NDUFAF4: variants seen among roughly 807,000 people sequenced by gnomAD.
NDUFAF4 encodes the protein NADH:ubiquinone oxidoreductase complex assembly factor 4, also known as NADH dehydrogenase [ubiquinone] 1 alpha subcomplex assembly factor 4.
NDUFAF4 carries 10 observed loss-of-function variants against 15.6 expected under a neutral mutation model. That is an observed-to-expected ratio of 0.64 (90% confidence interval 0.40 to 1.09). The LOEUF is 1.09. Among genes scored for constraint, NDUFAF4 ranks in the 50% least tolerant of loss-of-function variants. The pLI, the probability that NDUFAF4 is intolerant of heterozygous loss-of-function variation, is 0.01. For synonymous variants in NDUFAF4, 77 were observed against 73.3 expected (o/e 1.05, Z -0.26); for missense variants, 203 against 207.3 (o/e 0.98, Z 0.13).
intron 1 of NDUFAF4, 136 bp from the exon 2 acceptor site, chr6:96,896,983 G>A: frequency 1.5e-6 from 1 of 681,474 alleles, no homozygotes; most frequent in Admixed American, 2.3e-5. Context: ...CTGGAGTGCA[G>A]TCGCGCGATC....
At chr6:96,895,687 C>T (rs748152837) in intron 2 of NDUFAF4, among the ~76,000 whole-genome samples, 2 of 152,052 alleles carry the variant, frequency 1.3e-5, no homozygotes, top group Non-Finnish European at 2.9e-5. Flanking sequence ...TTTAAAATGA[C>T]GTAAGAACAC....
At position 96,896,803 on chromosome 6, in the gene NDUFAF4, G is replaced by C; in HGVS notation, c.181C>G (p.Leu61Val). The change falls in exon 2 of 3, where the codon CTG becomes GTG. Residue 61 changes from leucine to valine, a missense_variant. Leu to Val is a conservative substitution (Grantham distance 32). Coordinates refer to ENST00000316149, the MANE Select transcript of NDUFAF4 (RefSeq NM_014165.4). ...KGEIARKDEK[L>V]LSFLKDVYVD... is the part of the protein sequence containing the mutation. ...TACACATCTTTTAGAAACGACAGCA[G>C]CTTTTCATCTTTACGAGCAATCTCT... 1 of 1,613,858 alleles carries C rather than the reference G, an allele frequency of 6.2e-7. No homozygotes were observed. The highest frequency in any genetic ancestry group is 8.5e-7 in the Non-Finnish European group (1 of 1,179,940).
intron 1 of NDUFAF4, 23 bp downstream of exon 1, chr6:96,897,643 C>T (rs1354644887): frequency 1.2e-6 from 2 of 1,612,946 alleles, no homozygotes; most frequent in East Asian, 2.2e-5. Context: ...CCCCGGGCCC[C>T]GAAACGCCCT....
intron 2 of NDUFAF4, among the ~76,000 whole-genome samples, chr6:96,895,848 G>C (rs1775363947): frequency 6.6e-6 from 1 of 152,118 alleles, no homozygotes; most frequent in African/African-American, 2.4e-5. Flanking sequence ...TCCAGAGAGA[G>C]AGGGACAGTA....
chr6:96,897,723 G>A lies in NDUFAF4; in HGVS notation c.79C>T (p.Pro27Ser), dbSNP rs2127975737. ...GAGGGGTGTCTGGGAGCGACAGAGG[G>A]CTTCATCTTGCTGATTTCCCGTTCC... is the stretch of plus-strand genomic sequence containing the variant. ...RAEREISKMK[P>S]SVAPRHPSTN... is the part of the protein sequence containing the mutation. The change falls in exon 1 of 3, where the codon CCC becomes TCC. Residue 27 changes from proline (P) to serine (S), a missense_variant. Transcript: ENST00000316149. The A allele has an allele frequency of 6.2e-7, 1 of 1,614,202 alleles. No homozygotes were observed.
At position 96,891,391 on chromosome 6, in the gene NDUFAF4, C is replaced by T. The variant is rs375991020; in HGVS notation, c.241G>A (p.Val81Ile). The change falls in exon 3 of 3, where the codon GTA (valine) becomes ATA (isoleucine). Residue 81 changes from valine (V) to isoleucine (I), a missense_variant and splice_region_variant. By Grantham distance (29) the Val-to-Ile change is conservative. Transcript: ENST00000316149. ...TCTTGACATGTTTCAGCAGCTTTTA[C>T]CTAGTATCAAAAAAAAAAGGTTTTA... is the stretch of plus-strand genomic sequence containing the variant. ...DSKDPVSSLQ[V>I]KAAETCQEPK... is the part of the protein sequence containing the mutation. 2 of 1,530,824 alleles carry T rather than the reference C, an allele frequency of 1.3e-6. No individual in the cohort carries two copies. Among genetic ancestry groups the T allele is most frequent in the Non-Finnish European group, 1.7e-6 (2 of 1,149,568 alleles). The allele number at this position is 1,530,824 out of a possible 1,614,324, so 94.8% of individuals were successfully genotyped here. A position where few individuals can be genotyped will look rare whatever the true frequency, so the allele number is the denominator to read the frequency against.
rs150562321 is a variant in NDUFAF4, at chr6:96,892,380, C to A, written c.241-989G>T. On this transcript the variant is annotated intron_variant, in intron 2 of 2. Coordinates refer to ENST00000316149, the MANE Select transcript of NDUFAF4 (RefSeq NM_014165.4). ...TTGTTTCCTAGCTATGCCTATCATT[C>A]TTTCTTTTCTTTTCCTTTTTTTACT... Among the ~76,000 whole-genome samples the A allele has an allele frequency of 7.2e-4, 109 of 152,284 alleles. No homozygotes were observed. The East Asian group carries it at 0.013, about 18-fold the overall frequency.
In NDUFAF4 at chr6:96,889,617, T is replaced by C. The variant is rs748437516; in HGVS notation, c.*1487A>G. The C allele has an allele frequency of 7.9e-5, 12 of 152,720 alleles. No individual in the cohort carries two copies. Among genetic ancestry groups the C allele is most frequent in the Admixed American group, 2.6e-4 (4 of 15,294 alleles). 9.5% of individuals were successfully genotyped at this position (152,720 alleles called of 1,614,324 possible). A position where few individuals can be genotyped will look rare whatever the true frequency, so the allele number is the denominator to read the frequency against. The stretch of plus-strand genomic sequence containing the variant: ...AAGTCATGCTTACAAATTTTCCACT[T>C]AGTCCATTTTTCTGTTCTCAGCATT... On this transcript the variant is annotated 3_prime_UTR_variant, in exon 3 of 3. Transcript: ENST00000316149.
At chr6:96,892,092 C>T (rs1041012971) in intron 2 of NDUFAF4, among the ~76,000 whole-genome samples, 3 of 152,098 alleles carry the variant, frequency 2.0e-5, no homozygotes, top group African/African-American at 7.2e-5. Context: ...AAAACTGCAC[C>T]TGTTTTAAAA....
chr6:96,897,123 C>A (rs1219557708), intron 1 of NDUFAF4, among the ~76,000 whole-genome samples: 6 of 152,132 alleles, frequency 3.9e-5, no homozygotes, highest in African/African-American at 1.4e-4. Flanking sequence ...CGGGGTTTAG[C>A]CATGTTGGCC....
chr6:96,895,001 T>G (rs148136174), intron 2 of NDUFAF4, among the ~76,000 whole-genome samples: 1 of 152,144 alleles, frequency 6.6e-6, no homozygotes, highest in East Asian at 1.9e-4. Flanking sequence ...AGTGTATAAA[T>G]AGAAAAATAA....
At position 96,897,839 on chromosome 6, in the gene NDUFAF4, G is replaced by C. The variant is rs1439678899; in HGVS notation, c.-38C>G. Reference sequence around the variant, plus strand: ...TTATGCGCTCAGGTTCAGGCCGCACGTGGGAACACCGGCGCAGGACAACTC... The same window carrying C: ...TTATGCGCTCAGGTTCAGGCCGCACCTGGGAACACCGGCGCAGGACAACTC... On this transcript the variant is annotated 5_prime_UTR_variant, in exon 1 of 3. Coordinates refer to ENST00000316149, the MANE Select transcript of NDUFAF4 (RefSeq NM_014165.4). The C allele has an allele frequency of 1.9e-6, 3 of 1,613,580 alleles. No individual in the cohort carries two copies. Among genetic ancestry groups the C allele is most frequent in the African/African-American group, 2.7e-5 (2 of 74,912 alleles).
In NDUFAF4 at chr6:96,892,714, C is replaced by T. The variant is rs537524164; in HGVS notation, c.241-1323G>A. Among the ~76,000 whole-genome samples the T allele has an allele frequency of 2.6e-5, 4 of 152,052 alleles. No individual in the cohort carries two copies. The East Asian group carries it at 7.7e-4, about 29-fold the overall frequency. On this transcript the variant is annotated intron_variant, in intron 2 of 2. Coordinates refer to ENST00000316149, the MANE Select transcript of NDUFAF4 (RefSeq NM_014165.4). ...ATGCCACCCCCTCACAGTTTTCCAT[C>T]GGTTTTTTCAGTGGGTCCTTCGGGG...
intron 2 of NDUFAF4, among the ~76,000 whole-genome samples, chr6:96,893,711 C>A (rs1775340441): frequency 6.8e-6 from 1 of 146,922 alleles, no homozygotes. Context: ...TAAGAAGATT[C>A]AAAATCCTCT....
chr6:96,892,974 C>T (rs191063005), intron 2 of NDUFAF4, among the ~76,000 whole-genome samples: 10 of 152,258 alleles, frequency 6.6e-5, no homozygotes, highest in Non-Finnish European at 1.5e-5. Context: ...AAATGACCTA[C>T]ATGCTCCTCA....
rs1241121867 is a variant in NDUFAF4 at position 96,890,684 on chromosome 6, T to A, written c.*420A>T. 2 of 172,370 alleles carry A rather than the reference T, an allele frequency of 1.2e-5. No individual in the cohort carries two copies. Among genetic ancestry groups the A allele is most frequent in the Non-Finnish European group, 2.5e-5 (2 of 81,348 alleles). 10.7% of individuals were successfully genotyped at this position (172,370 alleles called of 1,614,324 possible). Reference sequence around the variant, plus strand: ...TTTCCCTAACGAGAAAATGTCAGTCTTAAGGGTCAGGAAAGCTTTTACTTT... The same window carrying A: ...TTTCCCTAACGAGAAAATGTCAGTCATAAGGGTCAGGAAAGCTTTTACTTT... On this transcript the variant is annotated 3_prime_UTR_variant, in exon 3 of 3. Transcript: ENST00000316149.
At position 96,891,178 on chromosome 6, in the gene NDUFAF4, G is replaced by A. The variant is rs1775310052; in HGVS notation, c.454C>T (p.Leu152Phe). The change falls in exon 3 of 3, where the codon CTT becomes TTT. Residue 152 changes from leucine (L) to phenylalanine (F), a missense_variant. Physicochemically the swap from Leu to Phe is conservative, Grantham distance 22. Coordinates refer to ENST00000316149, the MANE Select transcript of NDUFAF4 (RefSeq NM_014165.4). ...YQLEQKDVNSLLKYFVTFEVE... is the reference protein window; with the variant it reads ...YQLEQKDVNSFLKYFVTFEVE... Reference sequence around the variant, plus strand: ...TCAAAAGTAACAAAATATTTAAGAAGAGAATTCACATCTTTCTGTTCTAAC... The same window carrying A: ...TCAAAAGTAACAAAATATTTAAGAAAAGAATTCACATCTTTCTGTTCTAAC... 3 of 1,612,520 alleles carry A rather than the reference G, an allele frequency of 1.9e-6. No homozygotes were observed. Among genetic ancestry groups the A allele is most frequent in the African/African-American group, 1.3e-5 (1 of 74,860 alleles).
At chr6:96,897,640 C>T (rs1283739106) in intron 1 of NDUFAF4, 26 bp downstream of exon 1, 2 of 1,612,468 alleles carry the variant, frequency 1.2e-6, no homozygotes, top group African/African-American at 2.7e-5. Flanking sequence ...CGCCCCCGGG[C>T]CCCGAAACGC....
Position 96,897,825 on chromosome 6 carries a change from G to A in NDUFAF4, c.-24C>T. 1 of 1,613,924 alleles carries A rather than the reference G, an allele frequency of 6.2e-7. No homozygotes were observed. Among genetic ancestry groups the A allele is most frequent in the Non-Finnish European group, 8.5e-7 (1 of 1,179,892 alleles). On this transcript the variant is annotated 5_prime_UTR_variant, in exon 1 of 3. Coordinates refer to ENST00000316149, the MANE Select transcript of NDUFAF4 (RefSeq NM_014165.4). ...ATCTCCTCATAACATTATGCGCTCAGGTTCAGGCCGCACGTGGGAACACCG... is the reference window on the plus strand; with the variant it reads ...ATCTCCTCATAACATTATGCGCTCAAGTTCAGGCCGCACGTGGGAACACCG...
Sources: allele counts gnomAD v4.1 joint callset (sites outside exome capture counted in the v4.1 genomes callset), GRCh38; gene constraint gnomAD v4.1.1; transcripts MANE v1.5; gene names NCBI Gene and HGNC (gene_info 2026-07-23, HGNC 2026-07-21).